Variants in TMEM255A observed in about 807,000 individuals in gnomAD.
TMEM255A encodes family with sequence similarity 70, member A.
Under a neutral mutation model 23.5 loss-of-function variants are expected in TMEM255A, and 14 were observed. The observed-to-expected ratio is 0.60, with a 90% CI of 0.39 to 0.93. The LOEUF is 0.93. Ranked by LOEUF, TMEM255A falls within the 40% of genes least tolerant of loss-of-function variation. TMEM255A has a pLI of 0.00. For synonymous variants in TMEM255A, 104 were observed against 100.3 expected, an observed-to-expected ratio of 1.04 and a Z score of -0.22; for missense variants, 233 against 261.7, an observed-to-expected ratio of 0.89 and a Z score of 0.76.
intron 7 of TMEM255A, among the ~76,000 whole-genome samples, chrX:120,270,543 G>A (rs2057751701): frequency 9.0e-6 from 1 of 111,404 alleles, no homozygotes; most frequent in Non-Finnish European, 1.9e-5. Context: ...CTAAACCAGC[G>A]ATACCAATTA....
intron 7 of TMEM255A, among the ~76,000 whole-genome samples, chrX:120,272,595 C>G (rs782724103): frequency 9.0e-6 from 1 of 111,080 alleles, no homozygotes; most frequent in Non-Finnish European, 1.9e-5. Context: ...CCCTTTGCTT[C>G]CTTCACATGC....
intron 8 of TMEM255A, among the ~76,000 whole-genome samples, chrX:120,264,602 G>A (rs782303677): frequency 9.0e-6 from 1 of 111,006 alleles, no homozygotes; most frequent in East Asian, 2.8e-4. Flanking sequence ...TAGCCTCAGG[G>A]TCAAAAGGAA....
downstream of TMEM255A, chrX:120,254,399 AGAG>A (rs782180040): frequency 3.9e-4 from 466 of 1,209,516 alleles, no homozygotes; most frequent in Non-Finnish European, 4.8e-4. Context: ...AGGCCAATGA[AGAG>A]GAGGAGGAGG....
chrX:120,296,981 TTA>T (rs1199316608), intron 2 of TMEM255A, among the ~76,000 whole-genome samples: 32 of 2,677 alleles, frequency 0.012, 2 homozygotes, highest in African/African-American at 0.015. Flanking sequence ...ATTATATATA[TTA>T]TATATATATT....
chrX:120,284,996 A>G (rs1248269722), intron 6 of TMEM255A, 131 bp downstream of exon 6: 1 of 585,011 alleles, frequency 1.7e-6, no homozygotes, highest in African/African-American at 2.2e-5. Flanking sequence ...AATGTCTGTT[A>G]GCCAAAATCT....
At chrX:120,269,544 AG>A (rs1158790514) in intron 7 of TMEM255A, among the ~76,000 whole-genome samples, 4 of 111,854 alleles carry the variant, frequency 3.6e-5, no homozygotes, top group South Asian at 3.8e-4. Context: ...GGGTGTTGGC[AG>A]GGGGAAACTC....
At chrX:120,254,462 C>T (rs2285406), downstream of TMEM255A, 144 of 1,209,602 alleles carry the variant, frequency 1.2e-4, no homozygotes, top group East Asian at 4.0e-3. Context: ...CTGACTCGGC[C>T]GTCAGTAATA....
chrX:120,305,288 A>G (rs902039865), intron 1 of TMEM255A, among the ~76,000 whole-genome samples: 11 of 111,676 alleles, frequency 9.8e-5, no homozygotes, highest in Non-Finnish European at 1.9e-5. Context: ...CAGACAGAAA[A>G]ATGGTATCTA....
intron 6 of TMEM255A, among the ~76,000 whole-genome samples, chrX:120,284,494 T>C (rs1379864443): frequency 9.1e-6 from 1 of 110,139 alleles, no homozygotes; most frequent in East Asian, 2.9e-4. Flanking sequence ...CTTCCCTGGC[T>C]ACTCTATCTA....
intron 6 of TMEM255A, among the ~76,000 whole-genome samples, chrX:120,277,697 G>T (rs976903287): frequency 8.9e-6 from 1 of 112,178 alleles, no homozygotes; most frequent in Non-Finnish European, 1.9e-5. Flanking sequence ...CTGAATTCAG[G>T]CTTCAAAGAC....
intron 1 of TMEM255A, among the ~76,000 whole-genome samples, chrX:120,305,429 C>CAAAA (rs111534543): frequency 4.5e-5 from 4 of 89,433 alleles, no homozygotes; most frequent in Admixed American, 3.6e-4. Context: ...TAGGAGTTCT[C>CAAAA]AAAAAAAAAA....
chrX:120,283,832 A>G (rs1204126908), intron 6 of TMEM255A, among the ~76,000 whole-genome samples: 1 of 111,059 alleles, frequency 9.0e-6, no homozygotes, highest in Non-Finnish European at 1.9e-5. Context: ...TCCATCTTCC[A>G]TGCTGTACCC....
chrX:120,256,809 G>GA (rs1255059802), downstream of TMEM255A: 24 of 120,500 alleles, frequency 2.0e-4, no homozygotes, highest in Non-Finnish European at 4.6e-4. Flanking sequence ...TTTTGCAAAG[G>GA]AAAAAATTGA....
In TMEM255A at chrX:120,259,748, T is replaced by C. The variant is rs2057664165; in HGVS notation, c.*1122A>G. The C allele has an allele frequency of 8.9e-6, 1 of 112,054 alleles. No individual in the cohort carries two copies. Among genetic ancestry groups the C allele is most frequent in the African/African-American group, 3.3e-5 (1 of 30,684 alleles). The allele number at this position is 112,054 out of a possible 1,213,427, so 9.2% of individuals were successfully genotyped here. A position where few individuals can be genotyped will look rare whatever the true frequency, so the allele number is the denominator to read the frequency against. On this transcript the variant is annotated 3_prime_UTR_variant, in exon 9 of 9. Coordinates refer to ENST00000371369, the MANE Select transcript of TMEM255A (RefSeq NM_001104544.3). ...AGAACTGTACAAATACCTACCACGGTGTGCCAGATGGATTTTAAATCTGCC... is the reference window on the plus strand; with the variant it reads ...AGAACTGTACAAATACCTACCACGGCGTGCCAGATGGATTTTAAATCTGCC...
At chrX:120,297,093 T>TA (rs2057997543) in intron 2 of TMEM255A, among the ~76,000 whole-genome samples, 3 of 22,716 alleles carry the variant, frequency 1.3e-4, no homozygotes, top group Non-Finnish European at 1.8e-4. Flanking sequence ...TTATAATATA[T>TA]ATAATATTAT....
intron 7 of TMEM255A, among the ~76,000 whole-genome samples, chrX:120,272,611 C>T (rs1041700074): frequency 1.8e-5 from 2 of 111,454 alleles, no homozygotes; most frequent in African/African-American, 3.3e-5. Context: ...CATGCACTCT[C>T]ACCTGTTGCC....
At chrX:120,277,885 A>C (rs1291682842) in intron 6 of TMEM255A, among the ~76,000 whole-genome samples, 2 of 112,146 alleles carry the variant, frequency 1.8e-5, no homozygotes, top group African/African-American at 6.5e-5. Context: ...GCTCTCTATC[A>C]CATTATCCGC....
At chrX:120,292,754 C>T (rs2057925171) in intron 3 of TMEM255A, among the ~76,000 whole-genome samples, 1 of 106,295 alleles carries the variant, frequency 9.4e-6, no homozygotes, top group Non-Finnish European at 1.9e-5. Context: ...AGCAAGACTC[C>T]ATCTCGAAAA....
rs907326184 is a variant in TMEM255A, at chrX:120,275,576, G to A, written c.675+1309C>T. 2.7e-5 allele frequency among the ~76,000 whole-genome samples: 3 copies of A among 110,279 alleles called. No homozygotes were observed. In the Admixed American group the frequency reaches 2.9e-4, roughly 11 times the overall value. On this transcript the variant is annotated intron_variant, in intron 7 of 8. Coordinates refer to ENST00000371369, the MANE Select transcript of TMEM255A (RefSeq NM_001104544.3). ...CAAGGGCCTAGGAGCTAATTTCTGG[G>A]GTCAAAGGAAAGTCCCTCTTAGGCA...
Sources: allele counts gnomAD v4.1 joint callset (sites outside exome capture counted in the v4.1 genomes callset), GRCh38; gene constraint gnomAD v4.1.1; transcripts MANE v1.5; gene names NCBI Gene and HGNC (gene_info 2026-07-23, HGNC 2026-07-21).